The following TJP1 variants were observed in gnomAD, a reference collection of about 807,000 sequenced individuals.
TJP1 encodes tight junction protein ZO-1.
A neutral mutation model predicts 194.2 loss-of-function variants in TJP1; 43 were observed. That is an observed-to-expected ratio of 0.22 (90% CI 0.17 to 0.29). The LOEUF is 0.29. TJP1 is among the 10% of genes least tolerant of loss of function. The probability of loss-of-function intolerance (pLI) is 1.00; values close to 1 mark genes in which losing one functional copy is unlikely to be tolerated. For missense variants in TJP1, 1,971 were observed against 2,185.7 expected (o/e 0.90, Z 1.96); for synonymous variants, 801 against 779.0 (o/e 1.03, Z -0.47).
chr15:29,833,189 A>AT (rs35469404), intron 2 of TJP1, among the ~76,000 whole-genome samples: 2 of 152,216 alleles, frequency 1.3e-5, no homozygotes, highest in African/African-American at 4.8e-5. Flanking sequence ...TAGTAGAGGT[A>AT]TTTTTTACTA....
At chr15:29,913,752 G>A (rs932730721) in intron 2 of TJP1, among the ~76,000 whole-genome samples, 1 of 152,082 alleles carries the variant, frequency 6.6e-6, no homozygotes, top group Non-Finnish European at 1.5e-5. Context: ...GGAAGGGAGA[G>A]GGAGGAAAAG....
chr15:29,801,954 C>T (rs1474762108), intron 1 of TJP1, among the ~76,000 whole-genome samples: 3 of 151,694 alleles, frequency 2.0e-5, no homozygotes, highest in Admixed American at 6.6e-5. Flanking sequence ...TGTGTTGGGC[C>T]GCATGCGACC....
chr15:29,802,461 T>C (rs758672984), intron 1 of TJP1, among the ~76,000 whole-genome samples: 14 of 152,056 alleles, frequency 9.2e-5, no homozygotes, highest in Non-Finnish European at 1.3e-4. Context: ...GATCTCTCTG[T>C]TCACTCCCAT....
At chr15:29,759,937 T>C in intron 8 of TJP1, 1 of 400,310 alleles carries the variant, frequency 2.5e-6, no homozygotes, top group East Asian at 3.9e-5. Context: ...AGTGCAGATA[T>C]CTCTTCGAGA....
At chr15:29,968,373 C>G in intron 1 of TJP1, 1 of 985,378 alleles carries the variant, frequency 1.0e-6, no homozygotes, top group Non-Finnish European at 1.2e-6. Flanking sequence ...GAGGCCGACG[C>G]CCGGGTGCGG....
chr15:29,853,932 C>T (rs2051743771), intron 2 of TJP1, among the ~76,000 whole-genome samples: 1 of 152,132 alleles, frequency 6.6e-6, no homozygotes, highest in South Asian at 2.1e-4. Context: ...AGCAACGACG[C>T]ACCTGCAGTT....
chr15:29,872,796 G>A (rs371889007), intron 2 of TJP1, among the ~76,000 whole-genome samples: 1 of 152,172 alleles, frequency 6.6e-6, no homozygotes, highest in East Asian at 1.9e-4. Flanking sequence ...CCACCACACA[G>A]AAAGGTCCAG....
chr15:29,860,461 G>A (rs1198474856), intron 2 of TJP1, among the ~76,000 whole-genome samples: 1 of 152,100 alleles, frequency 6.6e-6, no homozygotes, highest in Non-Finnish European at 1.5e-5. Flanking sequence ...GCAATCATTA[G>A]TCTACTTTCT....
At chr15:29,931,032 T>C (rs2152270089) in intron 2 of TJP1, among the ~76,000 whole-genome samples, 1 of 152,268 alleles carries the variant, frequency 6.6e-6, no homozygotes, top group Middle Eastern at 3.4e-3. Context: ...TAACTACTAA[T>C]AGCCTCCTGT....
intron 27 of TJP1, 137 bp downstream of exon 27, chr15:29,704,025 A>G: frequency 1.2e-6 from 1 of 836,002 alleles, no homozygotes; most frequent in Non-Finnish European, 1.8e-6. Context: ...TAAATGTGAA[A>G]ACACTGGTGA....
rs542144636 is a variant in TJP1 at position 29,751,523 on chromosome 15, AATTTTC to A, written c.1011-8748_1011-8743del. Among the ~76,000 whole-genome samples the A allele has an allele frequency of 5.5e-4, 84 of 152,366 alleles. 2 individuals are homozygous for A. The East Asian group carries it at 0.012, about 21-fold the overall frequency. On this transcript the variant is annotated intron_variant, in intron 8 of 27. Transcript: ENST00000614355. Reference sequence around the variant, plus strand: ...AAAAACAGGTCTGTGGTTCAAAAGTAATTTTCATGGATATGGACAACTTTTAGTAAG... The same window carrying A: ...AAAAACAGGTCTGTGGTTCAAAAGTAATGGATATGGACAACTTTTAGTAAG...
Position 29,791,412 on chromosome 15 carries a change from T to TC in TJP1, c.84+9233dup, listed in dbSNP as rs1307030005. On this transcript the variant is annotated intron_variant, in intron 2 of 27. Transcript: ENST00000614355. The stretch of plus-strand genomic sequence containing the variant: ...AGTTTTTGAGGAGCCTCCATAATAT[T>TC]CTTTTTTTTTTTTTTTTTTTTTTTT... Among the ~76,000 whole-genome samples the TC allele has an allele frequency of 4.0e-3, 487 of 122,070 alleles. 3 individuals carry two copies. The highest frequency in any genetic ancestry group is 0.014 in the African/African-American group (462 of 33,654). 80.1% of individuals were successfully genotyped at this position (122,070 alleles called of 152,430 possible). A position where few individuals can be genotyped will look rare whatever the true frequency, so the allele number is the denominator to read the frequency against.
At chr15:29,815,083 C>T (rs200665194) in intron 1 of TJP1, among the ~76,000 whole-genome samples, 4 of 152,174 alleles carry the variant, frequency 2.6e-5, no homozygotes, top group Non-Finnish European at 4.4e-5. Context: ...TCCCTACCCA[C>T]GTATTCCCCA....
At chr15:29,949,315 T>G (rs62649071) in intron 2 of TJP1, among the ~76,000 whole-genome samples, 1 of 18,432 alleles carries the variant, frequency 5.4e-5, no homozygotes, top group African/African-American at 1.9e-4. Context: ...CCACCTCCAC[T>G]TTCACCACCA....
intron 2 of TJP1, among the ~76,000 whole-genome samples, chr15:29,856,981 A>G (rs557880648): frequency 7.7e-4 from 118 of 152,298 alleles, no homozygotes; most frequent in African/African-American, 2.7e-3. Flanking sequence ...ATTACATATT[A>G]TAAGTACTCT....
At chr15:29,787,709 C>T (rs529994270) in intron 2 of TJP1, among the ~76,000 whole-genome samples, 1 of 152,090 alleles carries the variant, frequency 6.6e-6, no homozygotes, top group Non-Finnish European at 1.5e-5. Flanking sequence ...AATAATATTC[C>T]ATTCTATGTA....
rs1595542739 is a variant in TJP1, at chr15:29,704,320, G to C, written c.5069-15C>G. ...CAGTGTTTCACCTGGAGTTGGAAAA[G>C]GGGATAGGCAGAGAGGATGGATGTG... is the stretch of plus-strand genomic sequence containing the variant. On this transcript the variant is annotated splice_polypyrimidine_tract_variant and intron_variant, in intron 26 of 27. Transcript: ENST00000614355. 2.4e-5 allele frequency: 38 copies of C among 1,579,332 alleles called. No individual in the cohort carries two copies. The highest frequency in any genetic ancestry group is 3.3e-5 in the Non-Finnish European group (38 of 1,161,236).
At chr15:29,830,991 G>T (rs2050821223) in intron 2 of TJP1, among the ~76,000 whole-genome samples, 1 of 152,080 alleles carries the variant, frequency 6.6e-6, no homozygotes, top group African/African-American at 2.4e-5. Flanking sequence ...GAAAAAGAAT[G>T]CACCTGACTG....
At chr15:29,818,213 A>G (rs2151987685) in intron 1 of TJP1, among the ~76,000 whole-genome samples, 1 of 152,314 alleles carries the variant, frequency 6.6e-6, no homozygotes, top group African/African-American at 2.4e-5. Context: ...AAGCATATAC[A>G]ATAGCACAAT....
Sources: allele counts gnomAD v4.1 joint callset (sites outside exome capture counted in the v4.1 genomes callset), GRCh38; gene constraint gnomAD v4.1.1; transcripts MANE v1.5; gene names NCBI Gene and HGNC (gene_info 2026-07-23, HGNC 2026-07-21).